HERC1: variants seen among roughly 807,000 people sequenced by gnomAD.
HERC1 encodes HECT and RLD domain containing E3 ubiquitin protein ligase family member 1, also known as probable E3 ubiquitin-protein ligase HERC1.
In HERC1, 160 loss-of-function variants were observed where a neutral mutation model predicts 554.3. That is an observed-to-expected ratio of 0.29 (90% CI 0.25 to 0.33). The LOEUF is 0.33. Among genes scored for constraint, HERC1 ranks in the 10% least tolerant of loss-of-function variants. The pLI is 1.00. For missense variants in HERC1, 4,919 were observed against 5,918.5 expected (o/e 0.83, Z 5.54); for synonymous variants, 2,175 against 2,131.7 (o/e 1.02, Z -0.56).
At chr15:63,721,426 T>A (rs2073815751) in intron 19 of HERC1, among the ~76,000 whole-genome samples, 1 of 152,096 alleles carries the variant, frequency 6.6e-6, no homozygotes, top group African/African-American at 2.4e-5. Flanking sequence ...CTCAGGAGGC[T>A]GAGGCAGGAG....
In HERC1 at chr15:63,624,270, G is replaced by A; in HGVS notation, c.13333C>T (p.Pro4445Ser). ...TWGIVQGQLR[P>S]LLAPRVYTLP... is the part of the protein sequence containing the mutation. ...GTGTAGACTCTTGGGGCTAACAAAG[G>A]CCGAAGTTGTCCCTGTACAATGCCC... is the stretch of plus-strand genomic sequence containing the variant. Residue 4445 changes from proline (P) to serine (S), a missense_variant, in exon 72 of 78, where the codon CCT (proline) becomes TCT (serine). This residue lies in a region of HERC1 where 410 missense variants were observed against 467.0 expected (regional missense o/e 0.88). Coordinates refer to ENST00000443617, the MANE Select transcript of HERC1 (RefSeq NM_003922.4). The A allele has an allele frequency of 6.2e-7, 1 of 1,613,744 alleles. No homozygotes were observed. The highest frequency in any genetic ancestry group is 8.5e-7 in the Non-Finnish European group (1 of 1,179,756).
At chr15:63,765,091 A>G (rs2075732319) in intron 2 of HERC1, among the ~76,000 whole-genome samples, 1 of 152,194 alleles carries the variant, frequency 6.6e-6, no homozygotes, top group African/African-American at 2.4e-5. Flanking sequence ...TCCGAAGCAG[A>G]TAGCTACAGA....
chr15:63,830,108 T>G (rs2078105127), intron 1 of HERC1, among the ~76,000 whole-genome samples: 1 of 152,182 alleles, frequency 6.6e-6, no homozygotes, highest in Non-Finnish European at 1.5e-5. Context: ...TAAAAATCAA[T>G]GGGAGAAAGT....
rs1567176634 is a variant in HERC1 at position 63,833,793 on chromosome 15, G to GCACACACA, written c.-27+33_-27+34insTGTGTGTG. 4.5e-3 allele frequency: 654 copies of GCACACACA among 146,270 alleles called. 11 individuals carry two copies. The highest frequency in any genetic ancestry group is 0.016 in the African/African-American group (618 of 38,740). 9.1% of individuals were successfully genotyped at this position (146,270 alleles called of 1,614,324 possible). On this transcript the variant is annotated intron_variant, in intron 1 of 77. Coordinates refer to ENST00000443617, the MANE Select transcript of HERC1 (RefSeq NM_003922.4). ...CACACACACACACACACACACACAG[G>GCACACACA]ACCAGGAGGACGGTAGATGATGCGT...
intron 1 of HERC1, among the ~76,000 whole-genome samples, chr15:63,799,867 T>C (rs1199066107): frequency 1.3e-5 from 2 of 152,184 alleles, no homozygotes; most frequent in Non-Finnish European, 1.5e-5. Context: ...CCAGGTGCAG[T>C]GGCTACCATC....
chr15:63,663,702 C>A (rs1293823957), intron 43 of HERC1, among the ~76,000 whole-genome samples: 1 of 152,178 alleles, frequency 6.6e-6, no homozygotes, highest in African/African-American at 2.4e-5. Context: ...CAAGTGATTT[C>A]TCCTGCCTCC....
intron 12 of HERC1, among the ~76,000 whole-genome samples, chr15:63,746,239 A>T (rs2075050412): frequency 6.6e-6 from 1 of 152,046 alleles, no homozygotes; most frequent in Non-Finnish European, 1.5e-5. Context: ...TGTTTTCATT[A>T]ATCTTAAGTA....
intron 48 of HERC1, 78 bp from the exon 49 acceptor site, chr15:63,656,436 T>C: frequency 1.6e-6 from 2 of 1,225,794 alleles, no homozygotes; most frequent in Non-Finnish European, 2.3e-6. Flanking sequence ...CCACATAACA[T>C]TCACAGCATC....
chr15:63,681,284 G>A (rs2414825), intron 34 of HERC1, among the ~76,000 whole-genome samples: 1 of 152,004 alleles, frequency 6.6e-6, no homozygotes, highest in African/African-American at 2.4e-5. Flanking sequence ...TCACTGAAGC[G>A]TCAAATTCCT....
intron 19 of HERC1, among the ~76,000 whole-genome samples, chr15:63,722,533 A>T (rs1173072851): frequency 2.6e-5 from 4 of 152,228 alleles, no homozygotes; most frequent in African/African-American, 9.6e-5. Flanking sequence ...AAATTCCAGA[A>T]ATAAACAATT....
chr15:63,805,215 A>G (rs142543858), intron 1 of HERC1, among the ~76,000 whole-genome samples: 1 of 152,346 alleles, frequency 6.6e-6, no homozygotes, highest in African/African-American at 2.4e-5. Context: ...ATCATAATAT[A>G]TGCATACAAT....
At chr15:63,804,729 T>C (rs2077089146) in intron 1 of HERC1, among the ~76,000 whole-genome samples, 1 of 151,916 alleles carries the variant, frequency 6.6e-6, no homozygotes. Flanking sequence ...CAAGAATATA[T>C]AAAAAGAACC....
intron 36 of HERC1, among the ~76,000 whole-genome samples, chr15:63,678,666 T>C (rs2071324455): frequency 6.6e-6 from 1 of 152,150 alleles, no homozygotes; most frequent in African/African-American, 2.4e-5. Context: ...ACTGACTCAA[T>C]TTAGTCTAAA....
intron 2 of HERC1, among the ~76,000 whole-genome samples, chr15:63,769,269 A>C (rs2142769422): frequency 6.6e-6 from 1 of 151,946 alleles, no homozygotes; most frequent in South Asian, 2.1e-4. Flanking sequence ...AAATACAAAA[A>C]TCAGCCAGGT....
At chr15:63,769,872 AT>A (rs775498328) in intron 2 of HERC1, among the ~76,000 whole-genome samples, 8 of 152,196 alleles carry the variant, frequency 5.3e-5, no homozygotes, top group Admixed American at 2.0e-4. Context: ...AATAAAAAAA[AT>A]AAATGTTTTT....
intron 51 of HERC1, among the ~76,000 whole-genome samples, 197 bp from the exon 52 acceptor site, chr15:63,652,738 C>T (rs1266489468): frequency 6.6e-6 from 1 of 152,160 alleles, no homozygotes; most frequent in Non-Finnish European, 1.5e-5. Context: ...CTGCAACCTC[C>T]ATCTCCCGTG....
intron 76 of HERC1, among the ~76,000 whole-genome samples, chr15:63,615,504 G>A (rs539689480): frequency 6.6e-6 from 1 of 152,338 alleles, no homozygotes; most frequent in East Asian, 1.9e-4. Flanking sequence ...CAGCTACTGG[G>A]GAGGCTGAGG....
intron 2 of HERC1, among the ~76,000 whole-genome samples, chr15:63,773,380 G>A (rs191840428): frequency 0.011 from 1,572 of 145,872 alleles, 27 homozygotes; most frequent in African/African-American, 0.038. Context: ...GGAGGCAGAG[G>A]TTGCAGTGAG....
Position 63,746,914 on chromosome 15 carries a change from T to A in HERC1, c.2520+4A>T. 6.4e-7 allele frequency: 1 copy of A among 1,551,518 alleles called. No individual in the cohort carries two copies. Among genetic ancestry groups the A allele is most frequent in the South Asian group, 1.2e-5 (1 of 84,052 alleles). ...ATACAGATTCACAAGTCCTATTCTC[T>A]TACCTCTTGGATTTCATCTGGGACA... is the stretch of plus-strand genomic sequence containing the variant. On this transcript the variant is annotated splice_donor_region_variant and intron_variant, in intron 12 of 77. Transcript: ENST00000443617.
Sources: gnomAD v4.1 joint callset for allele counts (sites outside exome capture counted in the v4.1 genomes callset) on GRCh38, gnomAD v4.1.1 for gene constraint, gnomAD v4.1.1 regional missense constraint, MANE v1.5 for transcripts, NCBI Gene and HGNC (gene_info 2026-07-23, HGNC 2026-07-21) for gene names.